Variants in NCAM2 observed in about 807,000 individuals in gnomAD.
NCAM2 encodes the protein neural cell adhesion molecule 2.
In NCAM2, 30 loss-of-function variants were observed where a neutral mutation model predicts 98.1. The ratio of observed to expected loss-of-function variants is 0.31; its 90% CI spans 0.23 to 0.41. The LOEUF (loss-of-function observed/expected upper bound fraction) is 0.41. Ranked by LOEUF, NCAM2 falls within the 10% of genes least tolerant of loss-of-function variation. NCAM2 has a pLI of 1.00. For synonymous variants in NCAM2, 368 were observed against 342.4 expected, an observed-to-expected ratio of 1.07 and a Z score of -0.83; for missense variants, 867 against 1,005.8, an observed-to-expected ratio of 0.86 and a Z score of 1.87.
intron 8 of NCAM2, among the ~76,000 whole-genome samples, chr21:21,362,509 C>T (rs2075672020): frequency 6.6e-6 from 1 of 151,980 alleles, no homozygotes. Context: ...CCTCCCACCT[C>T]AGCCTTCTGG....
chr21:21,168,455 A>G (rs907393838), intron 1 of NCAM2, among the ~76,000 whole-genome samples: 1 of 152,150 alleles, frequency 6.6e-6, no homozygotes, highest in African/African-American at 2.4e-5. Flanking sequence ...GCAATAAAAA[A>G]ATAGAAGAAA....
In NCAM2 at chr21:21,301,384, A is replaced by AT. The variant is rs531998939; in HGVS notation, c.619+9155dup. Among the ~76,000 whole-genome samples the AT allele has an allele frequency of 2.5e-3, 361 of 146,172 alleles. 4 individuals are homozygous for AT. The highest frequency in any genetic ancestry group is 7.6e-3 in the African/African-American group (300 of 39,672). ...TAGTTTGGGGTCTTTTTTTTTTTCTATTTTTTTTTTTTAATTATACTTTAA... is the reference window on the plus strand; with the variant it reads ...TAGTTTGGGGTCTTTTTTTTTTTCTATTTTTTTTTTTTTAATTATACTTTAA... On this transcript the variant is annotated intron_variant, in intron 5 of 17. Coordinates refer to ENST00000400546, the MANE Select transcript of NCAM2 (RefSeq NM_004540.5).
intron 1 of NCAM2, among the ~76,000 whole-genome samples, chr21:21,054,091 CAGAATT>C (rs1248257938): frequency 6.6e-6 from 1 of 151,854 alleles, no homozygotes; most frequent in Non-Finnish European, 1.5e-5. Flanking sequence ...GGTTTGACTT[CAGAATT>C]AGAAACTCTA....
chr21:21,237,243 C>G (rs1445779060), intron 1 of NCAM2, among the ~76,000 whole-genome samples: 1 of 152,030 alleles, frequency 6.6e-6, no homozygotes, highest in Non-Finnish European at 1.5e-5. Context: ...GCAGAGAGCC[C>G]TGAGAAATCA....
At chr21:21,214,722 C>CATATATATATAT (rs1555829682) in intron 1 of NCAM2, among the ~76,000 whole-genome samples, 54 of 92,598 alleles carry the variant, frequency 5.8e-4, no homozygotes, top group African/African-American at 1.7e-3. Flanking sequence ...ATATATATTC[C>CATATATATATAT]ATATATATAT....
At chr21:21,080,071 C>T (rs1215979111) in intron 1 of NCAM2, among the ~76,000 whole-genome samples, 1 of 148,294 alleles carries the variant, frequency 6.7e-6, no homozygotes. Flanking sequence ...TGTTCTTATA[C>T]ATGCAAATGA....
intron 1 of NCAM2, among the ~76,000 whole-genome samples, chr21:21,044,589 T>C (rs1469964514): frequency 6.6e-6 from 1 of 152,176 alleles, no homozygotes; most frequent in African/African-American, 2.4e-5. Context: ...TAAAACCAAA[T>C]AAAAATGATT....
At chr21:21,287,257 G>A (rs1317228477) in intron 4 of NCAM2, among the ~76,000 whole-genome samples, 4 of 151,906 alleles carry the variant, frequency 2.6e-5, no homozygotes, top group Non-Finnish European at 5.9e-5. Context: ...GTGTCCAAGG[G>A]ATGAAGATTC....
intron 1 of NCAM2, among the ~76,000 whole-genome samples, chr21:21,229,445 ATACT>A (rs1277610780): frequency 6.6e-6 from 1 of 151,496 alleles, no homozygotes; most frequent in Non-Finnish European, 1.5e-5. Context: ...GTATTAATAA[ATACT>A]TTCTATTGCT....
intron 1 of NCAM2, among the ~76,000 whole-genome samples, chr21:21,019,632 T>TA (rs2064386346): frequency 6.6e-6 from 1 of 152,124 alleles, no homozygotes; most frequent in South Asian, 2.1e-4. Context: ...AATTTATAAT[T>TA]ATTTTTTTTA....
At chr21:21,414,241 G>A (rs1002900089) in intron 10 of NCAM2, among the ~76,000 whole-genome samples, 3 of 152,028 alleles carry the variant, frequency 2.0e-5, no homozygotes, top group African/African-American at 7.2e-5. Flanking sequence ...TTCCTTCACT[G>A]AAGTCTTGAA....
intron 8 of NCAM2, among the ~76,000 whole-genome samples, chr21:21,340,332 G>T (rs1361286414): frequency 6.6e-6 from 1 of 151,884 alleles, no homozygotes; most frequent in Non-Finnish European, 1.5e-5. Flanking sequence ...TGCAGAGAAT[G>T]AAAGATAAAT....
intron 12 of NCAM2, among the ~76,000 whole-genome samples, chr21:21,459,873 T>A (rs1033115192): frequency 6.6e-6 from 1 of 151,836 alleles, no homozygotes; most frequent in South Asian, 2.1e-4. Flanking sequence ...GCTAAGTTAA[T>A]AAGAAATGTA....
intron 16 of NCAM2, among the ~76,000 whole-genome samples, chr21:21,517,385 A>G (rs1416933144): frequency 6.6e-6 from 1 of 152,194 alleles, no homozygotes; most frequent in Non-Finnish European, 1.5e-5. Flanking sequence ...TAACATTAAC[A>G]TTCTACCAAA....
At chr21:21,191,873 T>C (rs1397722353) in intron 1 of NCAM2, among the ~76,000 whole-genome samples, 1 of 152,138 alleles carries the variant, frequency 6.6e-6, no homozygotes, top group Non-Finnish European at 1.5e-5. Flanking sequence ...CTTGTTGACA[T>C]AGAGAAGAAG....
chr21:21,320,523 T>C (rs891301727), intron 5 of NCAM2, among the ~76,000 whole-genome samples: 3 of 137,612 alleles, frequency 2.2e-5, no homozygotes, highest in East Asian at 2.3e-4. Flanking sequence ...TTAATGAAAA[T>C]TGAGAGCTGT....
In NCAM2 at chr21:21,437,474, C is replaced by CTGTGTG. The variant is rs3990174; in HGVS notation, c.1654+5215_1654+5220dup. Among the ~76,000 whole-genome samples the CTGTGTG allele has an allele frequency of 6.4e-3, 930 of 144,526 alleles. 8 individuals are homozygous for CTGTGTG. The highest frequency in any genetic ancestry group is 0.011 in the African/African-American group (419 of 38,116). The allele number at this position is 144,526 out of a possible 152,430, so 94.8% of individuals were successfully genotyped here. A position where few individuals can be genotyped will look rare whatever the true frequency, so the allele number is the denominator to read the frequency against. On this transcript the variant is annotated intron_variant, in intron 12 of 17. Coordinates refer to ENST00000400546, the MANE Select transcript of NCAM2 (RefSeq NM_004540.5). ...ATTTATCCAATCCCCCACCAAGATTCTGTGTGTGTGTGTGTGTGTGTGTGT... is the reference window on the plus strand; with the variant it reads ...ATTTATCCAATCCCCCACCAAGATTCTGTGTGTGTGTGTGTGTGTGTGTGTGTGTGT...
chr21:21,265,411 T>TGTATATATATATATACAC (rs2072207216), intron 1 of NCAM2, among the ~76,000 whole-genome samples: 1 of 59,656 alleles, frequency 1.7e-5, no homozygotes, highest in African/African-American at 5.3e-5. Context: ...TATATATGTG[T>TGTATATATATATATACAC]ATATATAATA....
At chr21:21,319,640 G>C (rs1377043571) in intron 5 of NCAM2, among the ~76,000 whole-genome samples, 1 of 151,564 alleles carries the variant, frequency 6.6e-6, no homozygotes, top group South Asian at 2.1e-4. Context: ...GACTCCATAA[G>C]AACAAAAAAT....
Sources: gnomAD v4.1 joint callset for allele counts (sites outside exome capture counted in the v4.1 genomes callset) on GRCh38, gnomAD v4.1.1 for gene constraint, MANE v1.5 for transcripts, NCBI Gene and HGNC (gene_info 2026-07-23, HGNC 2026-07-21) for gene names.